TCF3: variants seen among roughly 807,000 people sequenced by gnomAD.
TCF3 encodes the protein transcription factor 3, also known as transcription factor E2-alpha.
Under a neutral mutation model 72.3 loss-of-function variants are expected in TCF3, and 54 were observed. The observed-to-expected ratio is 0.75, with a 90% CI of 0.60 to 0.94. The LOEUF (loss-of-function observed/expected upper bound fraction) is 0.94. Among genes scored for constraint, TCF3 ranks in the 40% least tolerant of loss-of-function variants. The pLI, the probability that TCF3 is intolerant of heterozygous loss-of-function variation, is 0.00. For missense variants in TCF3, 1,078 were observed against 934.4 expected (o/e 1.15, Z -2.00); for synonymous variants, 525 against 412.6 (o/e 1.27, Z -3.30).
Position 1,627,245 on chromosome 19 carries a change from A to C in TCF3, c.366+114T>G, listed in dbSNP as rs563883134. 3.9e-5 allele frequency: 21 copies of C among 534,984 alleles called. No individual in the cohort carries two copies. In the African/African-American group the frequency reaches 4.0e-4, roughly 10 times the overall value. 33.1% of individuals were successfully genotyped at this position (534,984 alleles called of 1,614,324 possible). A position where few individuals can be genotyped will look rare whatever the true frequency, so the allele number is the denominator to read the frequency against. On this transcript the variant is annotated intron_variant, in intron 6 of 18. Transcript: ENST00000262965. Reference sequence around the variant, plus strand: ...GGCCCAAGCCCAGCCTGGTTTCGCTATCAGGAAGCAAACATAACCTAGCTA... The same window carrying C: ...GGCCCAAGCCCAGCCTGGTTTCGCTCTCAGGAAGCAAACATAACCTAGCTA...
intron 3 of TCF3, among the ~76,000 whole-genome samples, chr19:1,642,883 A>G (rs906243936): frequency 4.6e-5 from 7 of 152,230 alleles, no homozygotes; most frequent in African/African-American, 1.7e-4. Flanking sequence ...GTTTCCTCTT[A>G]AAGCAGAACG....
At position 1,610,345 on chromosome 19, in the gene TCF3, A is replaced by T. The variant is rs1481769923; in HGVS notation, c.*1362T>A. ...GGCCCCAGGCCCAGGGATGCTCCCC[A>T]GCATTGGGGGAGGCTGGCCAGGCCC... On this transcript the variant is annotated 3_prime_UTR_variant, in exon 19 of 19. Coordinates refer to ENST00000262965, the MANE Select transcript of TCF3 (RefSeq NM_003200.5). 1.3e-5 allele frequency: 3 copies of T among 230,562 alleles called. No homozygotes were observed. Among genetic ancestry groups the T allele is most frequent in the African/African-American group, 6.7e-5 (3 of 45,106 alleles). The allele number at this position is 230,562 out of a possible 1,614,324, so 14.3% of individuals were successfully genotyped here. A position where few individuals can be genotyped will look rare whatever the true frequency, so the allele number is the denominator to read the frequency against.
rs756908316 is a variant in TCF3 at position 1,611,780 on chromosome 19, C to T, written c.1892G>A (p.Gly631Glu). The T allele has an allele frequency of 1.9e-6, 3 of 1,613,652 alleles. No individual in the cohort carries two copies. Among genetic ancestry groups the T allele is most frequent in the African/African-American group, 1.3e-5 (1 of 74,952 alleles). Residue 631 changes from glycine to glutamate, a missense_variant, in exon 19 of 19, where the codon GGA (glycine) becomes GAA (glutamate). Transcript: ENST00000262965. ...REEEKVSGVV[G>E]DPQMVLSAPH... ...AGCTGAAAGCACCATCTGGGGGTCT[C>T]CAACCACACCTGACACCTTTTCCTC...
At chr19:1,637,114 G>A (rs111848528) in intron 3 of TCF3, among the ~76,000 whole-genome samples, 1 of 151,738 alleles carries the variant, frequency 6.6e-6, no homozygotes, top group South Asian at 2.1e-4. Context: ...CAGAACCGGG[G>A]ACAACTGGCA....
intron 16 of TCF3, among the ~76,000 whole-genome samples, chr19:1,616,146 C>T (rs1394596566): frequency 6.6e-6 from 1 of 152,156 alleles, no homozygotes; most frequent in Admixed American, 6.6e-5. Flanking sequence ...TGAAAGTAAA[C>T]TGTTTCAATC....
At chr19:1,651,976 G>T (rs1392286282) in intron 1 of TCF3, among the ~76,000 whole-genome samples, 1 of 151,042 alleles carries the variant, frequency 6.6e-6, no homozygotes, top group East Asian at 2.0e-4. Context: ...GGGCTGGGGG[G>T]GACGGTCCTC....
Position 1,622,168 on chromosome 19 carries a change from G to T in TCF3, c.708C>A (p.Phe236Leu), listed in dbSNP as rs781348605. Residue 236 changes from phenylalanine to leucine, a missense_variant, in exon 10 of 19, where the codon TTC becomes TTA. Coordinates refer to ENST00000262965, the MANE Select transcript of TCF3 (RefSeq NM_003200.5). ...ATGAGCCCCCACCCAGCATGGGCCC[G>T]AAGCCCGCCTGGCCCGGGGGACTCC... is the stretch of plus-strand genomic sequence containing the variant. ...ELWSPPGQAG[F>L]GPMLGGGSSP... is the part of the protein sequence containing the mutation. The T allele has an allele frequency of 1.9e-6, 3 of 1,573,406 alleles. No homozygotes were observed. The highest frequency in any genetic ancestry group is 3.7e-5 in the Admixed American group (2 of 54,532).
At position 1,650,238 on chromosome 19, in the gene TCF3, G is replaced by A. The variant is rs757916399; in HGVS notation, c.11C>T (p.Pro4Leu). 9.2e-5 allele frequency: 144 copies of A among 1,565,834 alleles called. No homozygotes were observed. Among genetic ancestry groups the A allele is most frequent in the Middle Eastern group, 1.7e-4 (1 of 6,020 alleles). ...TGTGCCCACAGGCGCCATCCTCTGC[G>A]GCTGGTTCATTCTCCTGGGGCCAGG... MNQ[P>L]QRMAPVGTDK... The change falls in exon 2 of 19, where the codon CCG becomes CTG. Residue 4 changes from proline to leucine, a missense_variant. By Grantham distance (98) the Pro-to-Leu change is moderately conservative. Coordinates refer to ENST00000262965, the MANE Select transcript of TCF3 (RefSeq NM_003200.5).
rs910766644 is a variant in TCF3 at position 1,648,077 on chromosome 19, C to T, written c.73-1650G>A. 9.2e-5 allele frequency among the ~76,000 whole-genome samples: 14 copies of T among 152,304 alleles called. No homozygotes were observed. In the South Asian group the frequency reaches 1.7e-3, roughly 18 times the overall value. ...CCCAGGCCAGTGCTGGCGGGTCCTT[C>T]GTTCCCGACCAAAGCTAGCCTGGGT... On this transcript the variant is annotated intron_variant, in intron 2 of 18. Coordinates refer to ENST00000262965, the MANE Select transcript of TCF3 (RefSeq NM_003200.5).
At chr19:1,617,251 G>A (rs1293971546) in intron 16 of TCF3, among the ~76,000 whole-genome samples, 1 of 152,212 alleles carries the variant, frequency 6.6e-6, no homozygotes, top group Non-Finnish European at 1.5e-5. Context: ...TGGCAGGAAA[G>A]CGTGATGTTG....
chr19:1,621,127 C>T lies in TCF3; in HGVS notation c.1014+6G>A, dbSNP rs1437720086. ...GCCTGGCCACCCCCCATGCCCCACG[C>T]CTCACCGAGGCCAGTGCTTTGCCGA... is the stretch of plus-strand genomic sequence containing the variant. On this transcript the variant is annotated splice_donor_region_variant and intron_variant, in intron 12 of 18. Coordinates refer to ENST00000262965, the MANE Select transcript of TCF3 (RefSeq NM_003200.5). 2 of 1,539,456 alleles carry T rather than the reference C, an allele frequency of 1.3e-6. No individual in the cohort carries two copies. The highest frequency in any genetic ancestry group is 1.4e-5 in the African/African-American group (1 of 72,974).
At chr19:1,645,461 G>C (rs1013315630) in intron 3 of TCF3, among the ~76,000 whole-genome samples, 1 of 152,024 alleles carries the variant, frequency 6.6e-6, no homozygotes, top group Admixed American at 6.5e-5. Context: ...CCCCTGCAAC[G>C]AACACAGCGC....
intron 3 of TCF3, among the ~76,000 whole-genome samples, chr19:1,641,743 G>A (rs1187847646): frequency 2.6e-5 from 4 of 151,950 alleles, no homozygotes; most frequent in Non-Finnish European, 4.4e-5. Context: ...GTGAGCCACC[G>A]CACCCAGCTG....
intron 1 of TCF3, 25 bp from the exon 2 acceptor site, chr19:1,650,312 TGGACAG>T: frequency 1.3e-6 from 2 of 1,481,592 alleles, no homozygotes; most frequent in Non-Finnish European, 1.8e-6. Context: ...TGGGGACAGA[TGGACAG>T]GGAGAAACAG....
intron 2 of TCF3, among the ~76,000 whole-genome samples, chr19:1,648,258 G>A (rs2066433277): frequency 6.6e-6 from 1 of 152,242 alleles, no homozygotes; most frequent in South Asian, 2.1e-4. Flanking sequence ...AGGCAGGCAT[G>A]CAGGAACAGA....
chr19:1,634,073 G>A (rs895947873), intron 3 of TCF3, among the ~76,000 whole-genome samples: 1 of 152,192 alleles, frequency 6.6e-6, no homozygotes, highest in African/African-American at 2.4e-5. Context: ...GATCGCCCCC[G>A]AAGTTCACTC....
At chr19:1,638,780 G>A (rs954257380) in intron 3 of TCF3, among the ~76,000 whole-genome samples, 4 of 152,346 alleles carry the variant, frequency 2.6e-5, no homozygotes, top group South Asian at 2.1e-4. Context: ...GCCGCAAAGC[G>A]GTACAGAGCT....
chr19:1,636,238 C>T (rs2064389641), intron 3 of TCF3, among the ~76,000 whole-genome samples: 1 of 152,162 alleles, frequency 6.6e-6, no homozygotes, highest in African/African-American at 2.4e-5. Flanking sequence ...TGGCTCACTG[C>T]AACCTCCGCC....
chr19:1,615,956 A>G lies in TCF3; in HGVS notation c.1451-135T>C. The G allele has an allele frequency of 5.6e-6, 6 of 1,065,288 alleles. No individual in the cohort carries two copies. The highest frequency in any genetic ancestry group is 6.5e-6 in the Non-Finnish European group (5 of 774,582). 66.0% of individuals were successfully genotyped at this position (1,065,288 alleles called of 1,614,324 possible). On this transcript the variant is annotated intron_variant, in intron 16 of 18. Transcript: ENST00000262965. The surrounding 1 kb of genome is among the most constrained non-coding windows in gnomAD (Gnocchi z 7.3). The stretch of plus-strand genomic sequence containing the variant: ...TGGCCAAAAATAAAAACAAAAAACC[A>G]ACAACCAGAACTGGATCCCTACCTC...
Sources: gnomAD v4.1 joint callset for allele counts (sites outside exome capture counted in the v4.1 genomes callset) on GRCh38, gnomAD v4.1.1 for gene constraint, Gnocchi (gnomAD v3.1) non-coding constraint, MANE v1.5 for transcripts, NCBI Gene and HGNC (gene_info 2026-07-23, HGNC 2026-07-21) for gene names.